The following SI variants were observed in gnomAD, a reference collection of about 807,000 sequenced individuals.
The protein encoded by SI is sucrase-isomaltase, intestinal.
In SI, 235 loss-of-function variants were observed where a neutral mutation model predicts 253.3. The observed-to-expected ratio is 0.93, with a 90% CI of 0.83 to 1.03. The LOEUF is 1.03. SI is among the 50% of genes least tolerant of loss of function. SI has a pLI of 0.00. For synonymous variants in SI, 819 were observed against 712.0 expected (o/e 1.15, Z -2.39); for missense variants, 2,442 against 2,211.1 (o/e 1.10, Z -2.09).
intron 12 of SI, among the ~76,000 whole-genome samples, chr3:165,055,553 G>C (rs1576913309): frequency 6.6e-6 from 1 of 151,766 alleles, no homozygotes; most frequent in Non-Finnish European, 1.5e-5. Flanking sequence ...ATGGTATAAG[G>C]CTGCTATTTT....
chr3:165,075,774 C>A (rs1052691485), intron 2 of SI, 121 bp downstream of exon 2: 5 of 621,548 alleles, frequency 8.0e-6, no homozygotes, highest in South Asian at 2.2e-5. Flanking sequence ...TGTAACTTAC[C>A]CTGGATTTTT....
chr3:164,996,692 A>G (rs775551355), intron 39 of SI, 41 bp from the exon 40 acceptor site: 2 of 1,284,528 alleles, frequency 1.6e-6, no homozygotes, highest in Admixed American at 3.4e-5. Context: ...TGAATAGTTT[A>G]TGAATGTTTA....
At chr3:165,062,549 G>C (rs1318772283) in intron 8 of SI, 66 bp from the exon 9 acceptor site, 1 of 802,050 alleles carries the variant, frequency 1.2e-6, no homozygotes, top group Non-Finnish European at 2.2e-6. Context: ...TAATTGCAAA[G>C]TCCATTTAAA....
intron 41 of SI, among the ~76,000 whole-genome samples, chr3:164,993,953 G>A (rs1468826382): frequency 6.6e-6 from 1 of 151,564 alleles, no homozygotes; most frequent in Non-Finnish European, 1.5e-5. Flanking sequence ...GAAATGTTGA[G>A]AATAGTCAAT....
chr3:164,979,341 A>G lies in SI; in HGVS notation c.*21T>C. 1.4e-6 allele frequency: 2 copies of G among 1,476,794 alleles called. No homozygotes were observed. The highest frequency in any genetic ancestry group is 1.9e-6 in the Non-Finnish European group (2 of 1,057,138). 91.5% of individuals were successfully genotyped at this position (1,476,794 alleles called of 1,614,324 possible). A position where few individuals can be genotyped will look rare whatever the true frequency, so the allele number is the denominator to read the frequency against. On this transcript the variant is annotated 3_prime_UTR_variant, in exon 48 of 48. Transcript: ENST00000264382. The stretch of plus-strand genomic sequence containing the variant: ...AATCCTGGTGTTTTTTCCCATTGAC[A>G]ACTAAAATTGATGGTGATCTTCATG...
chr3:165,060,100 T>C (rs1013519556), intron 9 of SI, 73 bp from the exon 10 acceptor site: 1 of 1,293,930 alleles, frequency 7.7e-7, no homozygotes, highest in African/African-American at 1.5e-5. Context: ...AAGGTTAATG[T>C]GCCTCTTATT....
At chr3:165,076,092 A>T in intron 1 of SI, 80 bp from the exon 2 acceptor site, 1 of 1,085,958 alleles carries the variant, frequency 9.2e-7, no homozygotes, top group African/African-American at 1.6e-5. Flanking sequence ...ATGAAATTAC[A>T]TATTCTTTTT....
intron 2 of SI, 142 bp downstream of exon 2, chr3:165,075,753 G>T (rs7432386): frequency 0.63 from 351,374 of 562,092 alleles, 111,281 homozygotes; most frequent in East Asian, 0.84. Flanking sequence ...TAGAAAAAGT[G>T]GAAGTAATTG....
rs1382273144 is a variant in SI at position 164,992,403 on chromosome 3, C to A, written c.4842-6G>T. ...TTGGTTTTTCATCAAAGAACCTCGACAAAATTATCACAAATAATTAAATTA... is the reference window on the plus strand; with the variant it reads ...TTGGTTTTTCATCAAAGAACCTCGAAAAAATTATCACAAATAATTAAATTA... On this transcript the variant is annotated splice_polypyrimidine_tract_variant and splice_region_variant and intron_variant, in intron 41 of 47. Coordinates refer to ENST00000264382, the MANE Select transcript of SI (RefSeq NM_001041.4). 6.4e-7 allele frequency: 1 copy of A among 1,563,398 alleles called. No individual in the cohort carries two copies. Among genetic ancestry groups the A allele is most frequent in the South Asian group, 1.1e-5 (1 of 88,780 alleles).
chr3:165,021,568 G>T (rs1234108543), intron 26 of SI, among the ~76,000 whole-genome samples, 185 bp from the exon 27 acceptor site: 1 of 151,114 alleles, frequency 6.6e-6, no homozygotes, highest in Non-Finnish European at 1.5e-5. Flanking sequence ...ATTTATAATG[G>T]GTCCTAACTG....
At chr3:164,982,928 G>A in intron 46 of SI, 74 bp downstream of exon 46, 4 of 1,423,504 alleles carry the variant, frequency 2.8e-6, no homozygotes, top group South Asian at 2.4e-5. Context: ...TAGGATTACA[G>A]GCATGAGCCA....
At chr3:165,070,431 C>T (rs1714502958) in intron 3 of SI, among the ~76,000 whole-genome samples, 1 of 148,944 alleles carries the variant, frequency 6.7e-6, no homozygotes, top group African/African-American at 2.5e-5. Context: ...TACACATATA[C>T]ATTGCAAACT....
chr3:165,006,761 A>T, intron 37 of SI, 55 bp downstream of exon 37: 18 of 1,490,310 alleles, frequency 1.2e-5, no homozygotes, highest in Non-Finnish European at 1.7e-5. Flanking sequence ...ATAACATTAA[A>T]TGTAAGAACC....
At position 165,023,593 on chromosome 3, in the gene SI, T is replaced by C; in HGVS notation, c.3076A>G (p.Lys1026Glu). 1 of 1,610,454 alleles carries C rather than the reference T, an allele frequency of 6.2e-7. No homozygotes were observed. The highest frequency in any genetic ancestry group is 2.2e-5 in the East Asian group (1 of 44,678). The change falls in exon 26 of 48, where the codon AAA becomes GAA. Residue 1026 changes from lysine (K) to glutamate (E), a missense_variant. Lys to Glu is a moderately conservative substitution (Grantham distance 56). Transcript: ENST00000264382. ...ACCTTAAACTGCAACATATCATTTT[T>C]GTGATATTTCACCTCCACACGAAGA... ...STLRVEVKYHKNDMLQFKIYD... is the reference protein window; with the variant it reads ...STLRVEVKYHENDMLQFKIYD...
intron 45 of SI, 56 bp from the exon 46 acceptor site, chr3:164,983,107 T>C: frequency 6.8e-7 from 1 of 1,468,438 alleles, no homozygotes; most frequent in Non-Finnish European, 9.4e-7. Context: ...AGAACCATAG[T>C]AAATACCTGT....
intron 35 of SI, among the ~76,000 whole-genome samples, 192 bp from the exon 36 acceptor site, chr3:165,008,190 C>A (rs1324345531): frequency 6.6e-6 from 1 of 151,624 alleles, no homozygotes; most frequent in Non-Finnish European, 1.5e-5. Flanking sequence ...TTTTCAGTTT[C>A]CTTTTGAAAA....
intron 7 of SI, among the ~76,000 whole-genome samples, chr3:165,064,079 T>TA (rs1714107590): frequency 6.6e-6 from 1 of 150,830 alleles, no homozygotes; most frequent in African/African-American, 2.4e-5. Context: ...CAAAAATAAA[T>TA]AAATAAAATA....
At chr3:165,074,804 A>G in intron 2 of SI, 137 bp from the exon 3 acceptor site, 3 of 691,880 alleles carry the variant, frequency 4.3e-6, no homozygotes, top group Non-Finnish European at 7.2e-6. Flanking sequence ...TTTGCATTTA[A>G]AAAGACCCAC....
Position 165,039,881 on chromosome 3 carries a change from GCCTA to G in SI, c.2244+2_2244+5del, listed in dbSNP as rs756860453. 2.5e-6 allele frequency: 4 copies of G among 1,595,152 alleles called. No homozygotes were observed. The highest frequency in any genetic ancestry group is 3.4e-6 in the Non-Finnish European group (4 of 1,163,174). The stretch of plus-strand genomic sequence containing the variant: ...ACAATAAGGTTATTAAACCTGTAGA[GCCTA>G]CCTGTTTTAGAACAGGAGTAATAAG... On this transcript the variant is annotated splice_donor_variant and splice_donor_5th_base_variant and intron_variant, in intron 19 of 47. Transcript: ENST00000264382. LOFTEE classifies it high-confidence loss of function.
Sources: allele counts gnomAD v4.1 joint callset (sites outside exome capture counted in the v4.1 genomes callset), GRCh38; gene constraint gnomAD v4.1.1; transcripts MANE v1.5; gene names NCBI Gene and HGNC (gene_info 2026-07-23, HGNC 2026-07-21).